The following THEMIS variants were observed in gnomAD, a reference collection of about 807,000 sequenced individuals.
THEMIS encodes the protein thymocyte selection associated.
A neutral mutation model predicts 52.6 loss-of-function variants in THEMIS; 37 were observed. That is an observed-to-expected ratio of 0.70 (90% CI 0.54 to 0.93). THEMIS has a LOEUF of 0.93. THEMIS is among the 40% of genes least tolerant of loss of function. THEMIS has a pLI of 0.00. For missense variants in THEMIS, 808 were observed against 763.1 expected, an observed-to-expected ratio of 1.06 and a Z score of -0.69; for synonymous variants, 292 against 272.7, an observed-to-expected ratio of 1.07 and a Z score of -0.70.
chr6:127,752,900 A>G (rs534193583), intron 4 of THEMIS, among the ~76,000 whole-genome samples: 2 of 152,042 alleles, frequency 1.3e-5, no homozygotes, highest in South Asian at 4.1e-4. Context: ...AATATACCTG[A>G]TAAGTGTAAA....
chr6:127,812,150 G>A (rs557737767), intron 4 of THEMIS, among the ~76,000 whole-genome samples: 7 of 152,258 alleles, frequency 4.6e-5, no homozygotes, highest in South Asian at 4.1e-4. Flanking sequence ...ACACATCATG[G>A]TGTAAGGGCA....
chr6:127,804,866 AG>A (rs532563327), intron 4 of THEMIS, among the ~76,000 whole-genome samples: 88 of 152,288 alleles, frequency 5.8e-4, no homozygotes, highest in African/African-American at 1.2e-3. Flanking sequence ...ACTTTTATTA[AG>A]GACAAATGGT....
At chr6:127,840,628 T>C (rs138236623) in intron 2 of THEMIS, among the ~76,000 whole-genome samples, 4 of 152,212 alleles carry the variant, frequency 2.6e-5, no homozygotes, top group African/African-American at 4.8e-5. Context: ...GGGTTCTTTA[T>C]CTTCACACAA....
At chr6:127,816,413 A>G (rs2114617824) in intron 3 of THEMIS, among the ~76,000 whole-genome samples, 1 of 152,294 alleles carries the variant, frequency 6.6e-6, no homozygotes. Context: ...CTCCACTTGG[A>G]CATCTAATAG....
intron 1 of THEMIS, among the ~76,000 whole-genome samples, chr6:127,865,115 A>G (rs556818252): frequency 1.3e-5 from 2 of 152,240 alleles, no homozygotes; most frequent in African/African-American, 2.4e-5. Context: ...TGCACACACA[A>G]CTGACCTTAA....
intron 4 of THEMIS, among the ~76,000 whole-genome samples, chr6:127,787,760 A>G (rs1160974113): frequency 6.6e-6 from 1 of 152,088 alleles, no homozygotes; most frequent in African/African-American, 2.4e-5. Flanking sequence ...TAAGTCTACT[A>G]ACTATATTTA....
At chr6:127,729,140 T>TTCTCTCTC (rs35400135) in intron 4 of THEMIS, among the ~76,000 whole-genome samples, 15 of 106,230 alleles carry the variant, frequency 1.4e-4, no homozygotes, top group African/African-American at 2.0e-4. Flanking sequence ...TACCAATTTA[T>TTCTCTCTC]TCTCTCTCTC....
intron 2 of THEMIS, among the ~76,000 whole-genome samples, chr6:127,851,391 G>A (rs1779419535): frequency 6.6e-6 from 1 of 151,602 alleles, no homozygotes; most frequent in African/African-American, 2.4e-5. Context: ...TCTCTCAAAA[G>A]AATGAGAAGA....
chr6:127,911,794 C>T (rs1279953168), intron 1 of THEMIS, among the ~76,000 whole-genome samples: 1 of 151,432 alleles, frequency 6.6e-6, no homozygotes, highest in Non-Finnish European at 1.5e-5. Context: ...TTATGGAGAA[C>T]TTTGCTAGGG....
rs111781889 is a variant in THEMIS at position 127,781,381 on chromosome 6, A to G, written c.1758+31502T>C. On this transcript the variant is annotated intron_variant, in intron 4 of 5. Transcript: ENST00000368248. ...GAGTTTGTTATTACCCACCTTCTGA[A>G]GCCTACTTCTGTCAATTCGTCAAAC... Among the ~76,000 whole-genome samples, 34 of 152,036 alleles carry G rather than the reference A, an allele frequency of 2.2e-4. 1 individual carries two copies. Among genetic ancestry groups the G allele is most frequent in the African/African-American group, 7.7e-4 (32 of 41,472 alleles).
At chr6:127,847,310 AG>A (rs1463593999) in intron 2 of THEMIS, among the ~76,000 whole-genome samples, 4 of 152,004 alleles carry the variant, frequency 2.6e-5, no homozygotes, top group African/African-American at 4.8e-5. Flanking sequence ...AAAGAAATAA[AG>A]GGCATCCAAA....
chr6:127,902,297 G>C (rs1365698557), upstream of THEMIS, among the ~76,000 whole-genome samples: 2 of 139,622 alleles, frequency 1.4e-5, no homozygotes, highest in African/African-American at 5.3e-5. Flanking sequence ...TGCATTCCAG[G>C]CTGAATGACA....
At chr6:127,829,424 C>T (rs896123179) in intron 3 of THEMIS, 52 bp downstream of exon 3, 67 of 1,453,908 alleles carry the variant, frequency 4.6e-5, no homozygotes, top group Non-Finnish European at 5.8e-5. Context: ...CTTTCTTTCC[C>T]AAACCCCATA....
chr6:127,735,527 T>C (rs951406222), intron 4 of THEMIS, among the ~76,000 whole-genome samples: 1 of 152,190 alleles, frequency 6.6e-6, no homozygotes, highest in Non-Finnish European at 1.5e-5. Context: ...TGTTTGGGAT[T>C]TTTAGCTTTT....
the THEMIS span, among the ~76,000 whole-genome samples, chr6:127,702,347 G>A: frequency 6.6e-6 from 1 of 152,096 alleles, no homozygotes; most frequent in Non-Finnish European, 1.5e-5. Flanking sequence ...ATATGCTGCT[G>A]TATTTCCTAA....
chr6:127,773,796 A>G (rs150114608), intron 4 of THEMIS, among the ~76,000 whole-genome samples: 1 of 152,366 alleles, frequency 6.6e-6, no homozygotes, highest in African/African-American at 2.4e-5. Context: ...TAAAATTCAA[A>G]GTAAGAAAAT....
At chr6:127,721,744 A>G (rs565750498) in intron 4 of THEMIS, among the ~76,000 whole-genome samples, 1 of 152,118 alleles carries the variant, frequency 6.6e-6, no homozygotes, top group Admixed American at 6.6e-5. Flanking sequence ...TCAGCATCCA[A>G]CTACTTTCCT....
intron 4 of THEMIS, among the ~76,000 whole-genome samples, chr6:127,795,109 T>A (rs865942737): frequency 6.6e-6 from 1 of 152,152 alleles, no homozygotes; most frequent in Non-Finnish European, 1.5e-5. Flanking sequence ...TTCCTAATGC[T>A]CAAGGAGATG....
At chr6:127,868,539 T>C in intron 1 of THEMIS, 1 of 909,458 alleles carries the variant, frequency 1.1e-6, no homozygotes, top group Non-Finnish European at 1.3e-6. Flanking sequence ...ATATTGAATT[T>C]CTCATTGCTT....
Sources: allele counts gnomAD v4.1 joint callset (sites outside exome capture counted in the v4.1 genomes callset), GRCh38; gene constraint gnomAD v4.1.1; transcripts MANE v1.5; gene names NCBI Gene and HGNC (gene_info 2026-07-23, HGNC 2026-07-21).